The following ARHGAP6 variants were observed in gnomAD, a reference collection of about 807,000 sequenced individuals.
ARHGAP6 encodes the protein rho GTPase-activating protein 6.
A neutral mutation model predicts 55.7 loss-of-function variants in ARHGAP6; 16 were observed. That is an observed-to-expected ratio of 0.29 (90% CI 0.19 to 0.44). The LOEUF is 0.44. Ranked by LOEUF, ARHGAP6 falls within the 20% of genes least tolerant of loss-of-function variation. The pLI is 1.00. For missense variants in ARHGAP6, 698 were observed against 808.9 expected (o/e 0.86, Z 1.66); for synonymous variants, 382 against 360.9 (o/e 1.06, Z -0.66).
chrX:11,400,050 T>C (rs1291037245), intron 1 of ARHGAP6, among the ~76,000 whole-genome samples: 1 of 111,578 alleles, frequency 9.0e-6, no homozygotes, highest in East Asian at 2.8e-4. Flanking sequence ...AAGTAATTAG[T>C]AGTTGCCAGA....
intron 1 of ARHGAP6, among the ~76,000 whole-genome samples, chrX:11,545,108 T>C (rs1206980594): frequency 8.9e-6 from 1 of 111,896 alleles, no homozygotes; most frequent in Non-Finnish European, 1.9e-5. Flanking sequence ...CTCTGATTTT[T>C]TCAGCTATAC....
At chrX:11,497,027 G>T (rs779749709) in intron 1 of ARHGAP6, among the ~76,000 whole-genome samples, 51 of 111,453 alleles carry the variant, frequency 4.6e-4, no homozygotes, top group African/African-American at 1.6e-3. Context: ...CTCTGCTATG[G>T]ATACATCTTT....
intron 1 of ARHGAP6, among the ~76,000 whole-genome samples, chrX:11,509,534 T>C (rs1348120293): frequency 8.9e-6 from 1 of 111,975 alleles, no homozygotes; most frequent in Admixed American, 9.5e-5. Flanking sequence ...CCAAGCTAAG[T>C]GACCCTCCTA....
At position 11,577,949 on chromosome X, in the gene ARHGAP6, G is replaced by A. The variant is rs374294401; in HGVS notation, c.588+86292C>T. Among the ~76,000 whole-genome samples, 57 of 111,493 alleles carry A rather than the reference G, an allele frequency of 5.1e-4. No homozygotes were observed. The East Asian group carries it at 0.013, about 25-fold the overall frequency. ...TCTCAGGGGCCACATCATAGTCATC[G>A]TCTTGAGGGACCACTTCTATCCTCA... is the stretch of plus-strand genomic sequence containing the variant. On this transcript the variant is annotated intron_variant, in intron 1 of 12. Coordinates refer to ENST00000337414, the MANE Select transcript of ARHGAP6 (RefSeq NM_013427.3).
intron 1 of ARHGAP6, among the ~76,000 whole-genome samples, chrX:11,325,741 A>G (rs759663432): frequency 8.0e-5 from 9 of 112,535 alleles, no homozygotes; most frequent in Non-Finnish European, 1.3e-4. Flanking sequence ...TAGTTATGCT[A>G]TTTTGCTAGA....
intron 1 of ARHGAP6, among the ~76,000 whole-genome samples, chrX:11,510,524 A>G (rs542852620): frequency 9.0e-6 from 1 of 111,449 alleles, no homozygotes; most frequent in African/African-American, 3.3e-5. Flanking sequence ...GCTATGAAAA[A>G]AGCTGCTGCC....
chrX:11,193,339 A>G, intron 3 of ARHGAP6, among the ~76,000 whole-genome samples: 1 of 112,606 alleles, frequency 8.9e-6, no homozygotes, highest in East Asian at 2.8e-4. Context: ...CGTTTTTCAC[A>G]TGTGCAGCTG....
intron 1 of ARHGAP6, among the ~76,000 whole-genome samples, chrX:11,276,343 C>G (rs920139410): frequency 8.9e-6 from 1 of 111,876 alleles, no homozygotes; most frequent in Non-Finnish European, 1.9e-5. Flanking sequence ...AGAAACAGCA[C>G]TAACATTTTG....
At chrX:11,378,181 A>G (rs1055497696) in intron 1 of ARHGAP6, among the ~76,000 whole-genome samples, 1 of 112,663 alleles carries the variant, frequency 8.9e-6, no homozygotes, top group African/African-American at 3.2e-5. Flanking sequence ...ACTATGGAAC[A>G]TAACTGGTGG....
chrX:11,448,368 G>A (rs775226289), intron 1 of ARHGAP6, among the ~76,000 whole-genome samples: 1 of 111,699 alleles, frequency 9.0e-6, no homozygotes, highest in African/African-American at 3.2e-5. Flanking sequence ...CAAGTTGGAT[G>A]GTAAGTACAC....
At chrX:11,153,453 A>G (rs2045817194) in intron 10 of ARHGAP6, among the ~76,000 whole-genome samples, 1 of 89,822 alleles carries the variant, frequency 1.1e-5, no homozygotes, top group African/African-American at 4.3e-5. Context: ...TGAACCCGGG[A>G]GGTGGGGATT....
Position 11,572,556 on chromosome X carries a change from T to G in ARHGAP6, c.588+91685A>C, listed in dbSNP as rs748607103. On this transcript the variant is annotated intron_variant, in intron 1 of 12. Coordinates refer to ENST00000337414, the MANE Select transcript of ARHGAP6 (RefSeq NM_013427.3). ...TGGCTGCATAGTATTCCATGGTGTA[T>G]ATGTGCCACATTTTCTTAATCCAGT... 2.7e-5 allele frequency among the ~76,000 whole-genome samples: 3 copies of G among 111,794 alleles called. No individual in the cohort carries two copies. The East Asian group carries it at 8.4e-4, about 31-fold the overall frequency.
chrX:11,520,506 A>G (rs748610229), intron 1 of ARHGAP6, among the ~76,000 whole-genome samples: 11 of 109,805 alleles, frequency 1.0e-4, no homozygotes, highest in South Asian at 4.0e-4. Context: ...AGTTTTTATG[A>G]CTGCATAGTA....
chrX:11,624,067 A>G (rs761432894), intron 1 of ARHGAP6, among the ~76,000 whole-genome samples: 128 of 111,980 alleles, frequency 1.1e-3, no homozygotes, highest in Admixed American at 2.1e-3. Context: ...CCTGAAATAA[A>G]TCCACACTTT....
intron 1 of ARHGAP6, among the ~76,000 whole-genome samples, chrX:11,620,035 T>C (rs967435431): frequency 8.9e-6 from 1 of 112,220 alleles, no homozygotes; most frequent in African/African-American, 3.2e-5. Context: ...CCAAATGCAA[T>C]GCCTGTGCTC....
chrX:11,141,363 T>C (rs960552127), intron 12 of ARHGAP6, among the ~76,000 whole-genome samples: 2 of 104,393 alleles, frequency 1.9e-5, no homozygotes, highest in South Asian at 8.2e-4. Flanking sequence ...AAATTAATTA[T>C]GTAAAAAAAG....
In ARHGAP6 at chrX:11,429,548, GCCAAACCCAGGAACTT is replaced by G. The variant is rs779143124; in HGVS notation, c.589-174857_589-174842del. On this transcript the variant is annotated intron_variant, in intron 1 of 12. Coordinates refer to ENST00000337414, the MANE Select transcript of ARHGAP6 (RefSeq NM_013427.3). ...AAAATAAATTTAAAATCAATCCCTT[GCCAAACCCAGGAACTT>G]CCAAACAGTGTTGCCTGTCTTATGA... Among the ~76,000 whole-genome samples, 13 of 112,184 alleles carry G rather than the reference GCCAAACCCAGGAACTT, an allele frequency of 1.2e-4. No individual in the cohort carries two copies. The Admixed American group carries it at 1.2e-3, about 11-fold the overall frequency.
At chrX:11,293,543 T>C (rs886623570) in intron 1 of ARHGAP6, 2 of 112,157 alleles carry the variant, frequency 1.8e-5, no homozygotes, top group Non-Finnish European at 3.8e-5. Flanking sequence ...TTTTAAAAGA[T>C]ATAAATGTAT....
chrX:11,626,297 C>A (rs1276011500), intron 1 of ARHGAP6, among the ~76,000 whole-genome samples: 2 of 111,514 alleles, frequency 1.8e-5, no homozygotes, highest in African/African-American at 6.5e-5. Flanking sequence ...AAATAAATAA[C>A]CATCAGAGAA....
Sources: allele counts gnomAD v4.1 joint callset (sites outside exome capture counted in the v4.1 genomes callset), GRCh38; gene constraint gnomAD v4.1.1; transcripts MANE v1.5; gene names NCBI Gene and HGNC (gene_info 2026-07-23, HGNC 2026-07-21).